RREB1: variants seen among roughly 807,000 people sequenced by gnomAD.
The protein encoded by RREB1 is ras-responsive element-binding protein 1.
In RREB1, 27 loss-of-function variants were observed where a neutral mutation model predicts 117.8. The observed-to-expected ratio is 0.23, with a 90% CI of 0.17 to 0.32. RREB1 has a LOEUF of 0.32. Ranked by LOEUF, RREB1 falls within the 10% of genes least tolerant of loss-of-function variation. The pLI is 1.00. For synonymous variants in RREB1, 1,298 were observed against 1,026.7 expected (o/e 1.26, Z -5.05); for missense variants, 2,577 against 2,378.2 (o/e 1.08, Z -1.74).
chr6:7,136,264 G>C (rs1197719527), intron 1 of RREB1, among the ~76,000 whole-genome samples: 1 of 152,170 alleles, frequency 6.6e-6, no homozygotes, highest in East Asian at 1.9e-4. Context: ...ATAGATGTCA[G>C]TAATGCCCGT....
Position 7,229,550 on chromosome 6 carries a change from T to A in RREB1, c.1451T>A (p.Ile484Asn). ...LKMAASAPPQ[I>N]SLPPFSKAPA... Reference sequence around the variant, plus strand: ...ATGGCAGCCTCGGCTCCCCCTCAGATCAGTCTTCCGCCCTTCTCCAAGGCC... The same window carrying A: ...ATGGCAGCCTCGGCTCCCCCTCAGAACAGTCTTCCGCCCTTCTCCAAGGCC... Residue 484 changes from isoleucine to asparagine, a missense_variant, in exon 10 of 13, where the codon ATC (isoleucine) becomes AAC (asparagine). By Grantham distance (149) the Ile-to-Asn change is moderately radical. Transcript: ENST00000379938. The surrounding 1 kb of genome is among the most constrained non-coding windows in gnomAD (Gnocchi z 4.5). 1 of 1,613,832 alleles carries A rather than the reference T, an allele frequency of 6.2e-7. No homozygotes were observed. The highest frequency in any genetic ancestry group is 8.5e-7 in the Non-Finnish European group (1 of 1,179,948).
chr6:7,219,453 G>A (rs1767110471), intron 8 of RREB1, among the ~76,000 whole-genome samples: 7 of 152,092 alleles, frequency 4.6e-5, no homozygotes, highest in Admixed American at 4.6e-4. Flanking sequence ...CCCACCCCTC[G>A]CCCTATGTAC....
At chr6:7,154,365 T>C (rs1210040331) in intron 1 of RREB1, among the ~76,000 whole-genome samples, 2 of 152,198 alleles carry the variant, frequency 1.3e-5, no homozygotes, top group African/African-American at 2.4e-5. Context: ...TCCAGGTGCA[T>C]ACTAAAGTTT....
intron 6 of RREB1, among the ~76,000 whole-genome samples, chr6:7,192,079 G>GT (rs1213959836): frequency 1.6e-5 from 1 of 60,992 alleles, no homozygotes; most frequent in Non-Finnish European, 3.3e-5. Context: ...TTTTTTGAGT[G>GT]TTTTTATTAT....
At chr6:7,113,932 C>T (rs540987576) in intron 1 of RREB1, among the ~76,000 whole-genome samples, 2 of 152,202 alleles carry the variant, frequency 1.3e-5, no homozygotes, top group South Asian at 2.1e-4. Context: ...AATCTATAAA[C>T]GGAAGAAAGT....
chr6:7,125,175 T>C (rs1253985011), intron 1 of RREB1, among the ~76,000 whole-genome samples: 1 of 152,172 alleles, frequency 6.6e-6, no homozygotes, highest in Non-Finnish European at 1.5e-5. Context: ...AAAGTGGTGT[T>C]AGTACACAAA....
chr6:7,110,330 A>G (rs921771211), intron 1 of RREB1, among the ~76,000 whole-genome samples: 2 of 149,730 alleles, frequency 1.3e-5, no homozygotes, highest in Admixed American at 6.6e-5. Context: ...TCTGAGTTAG[A>G]TAGAGGCCAA....
intron 6 of RREB1, among the ~76,000 whole-genome samples, chr6:7,201,398 G>A (rs900676184): frequency 1.3e-5 from 2 of 152,034 alleles, no homozygotes; most frequent in Non-Finnish European, 2.9e-5. Flanking sequence ...CGACCTGTTC[G>A]GGCTGAACAA....
Position 7,210,942 on chromosome 6 carries a change from T to A in RREB1, c.564T>A (p.Ala188=). 2 of 1,613,346 alleles carry A rather than the reference T, an allele frequency of 1.2e-6. No individual in the cohort carries two copies. The highest frequency in any genetic ancestry group is 1.7e-6 in the Non-Finnish European group (2 of 1,179,714). The change falls in exon 7 of 13, where the codon GCT becomes GCA. Residue 188 remains alanine (A), a synonymous_variant. Coordinates refer to ENST00000379938, the MANE Select transcript of RREB1 (RefSeq NM_001003699.4). ...CAGAGAGAGAAGACCCAGCACCAGCTAAAAAGGTCCTCTTGGCTCCCAGTG... is the reference window on the plus strand; with the variant it reads ...CAGAGAGAGAAGACCCAGCACCAGCAAAAAAGGTCCTCTTGGCTCCCAGTG... The part of the protein sequence containing the change: ...AESEREDPAP[A]KKMVEDGQSG...
At chr6:7,119,542 G>A (rs1052063937) in intron 1 of RREB1, among the ~76,000 whole-genome samples, 7 of 152,170 alleles carry the variant, frequency 4.6e-5, no homozygotes, top group East Asian at 1.9e-4. Flanking sequence ...AAGAAAAAGC[G>A]TCAGAAAACG....
At chr6:7,177,472 G>A (rs185416880) in intron 2 of RREB1, among the ~76,000 whole-genome samples, 1 of 151,692 alleles carries the variant, frequency 6.6e-6, no homozygotes, top group East Asian at 1.9e-4. Flanking sequence ...TCTATGACTT[G>A]GGAACTTCAT....
intron 1 of RREB1, among the ~76,000 whole-genome samples, chr6:7,136,392 A>C (rs920142686): frequency 3.9e-5 from 6 of 152,186 alleles, no homozygotes; most frequent in Admixed American, 3.9e-4. Context: ...CCCAATGGCT[A>C]GGCAATATGG....
intron 11 of RREB1, among the ~76,000 whole-genome samples, chr6:7,244,088 C>G (rs1768872373): frequency 6.6e-6 from 1 of 151,986 alleles, no homozygotes. Context: ...CATGGTGAAA[C>G]CCTGTCTCCA....
At chr6:7,160,328 G>GT (rs535947811) in intron 1 of RREB1, among the ~76,000 whole-genome samples, 14 of 151,650 alleles carry the variant, frequency 9.2e-5, no homozygotes, top group African/African-American at 1.5e-4. Context: ...ATTATGTTAA[G>GT]TTTTTTTAAA....
In RREB1 at chr6:7,231,749, G is replaced by A. The variant is rs1767996846; in HGVS notation, c.3650G>A (p.Gly1217Glu). The change falls in exon 10 of 13, where the codon GGG (glycine) becomes GAG (glutamate). Residue 1217 changes from glycine (G) to glutamate (E), a missense_variant. Transcript: ENST00000379938. ...GCCGGAGCCCCTGCCGACCACCATG[G>A]GCCCAGTGATGAAGAGCAGGGCAGT... ...EVAGAPADHH[G>E]PSDEEQGSPP... The A allele has an allele frequency of 6.2e-7, 1 of 1,613,846 alleles. No homozygotes were observed.
Position 7,181,208 on chromosome 6 carries a change from G to A in RREB1, c.-81G>A, listed in dbSNP as rs1764776580. 1 of 398,604 alleles carries A rather than the reference G, an allele frequency of 2.5e-6. No homozygotes were observed. The allele number at this position is 398,604 out of a possible 1,614,324, so 24.7% of individuals were successfully genotyped here. On this transcript the variant is annotated 5_prime_UTR_variant, in exon 3 of 13. Coordinates refer to ENST00000379938, the MANE Select transcript of RREB1 (RefSeq NM_001003699.4). ...CCGTGTGAATGATAGCTACAGCAGG[G>A]GAAAGTTTCATAGTCTATCAGTGGG...
rs1418276993 is a variant in RREB1, at chr6:7,246,523, G to A, written c.4073G>A (p.Arg1358His). ...EQPSEGATELRQVAGDAPVEQ... is the reference protein window; with the variant it reads ...EQPSEGATELHQVAGDAPVEQ... ...CCGTCGGAGGGCGCCACTGAGCTCC[G>A]CCAGGTCGCAGGGGATGCGCCTGTG... Residue 1358 changes from arginine (R) to histidine (H), a missense_variant, in exon 12 of 13, where the codon CGC (arginine) becomes CAC (histidine). Physicochemically the swap from Arg to His is conservative, Grantham distance 29. Transcript: ENST00000379938. 3 of 1,546,446 alleles carry A rather than the reference G, an allele frequency of 1.9e-6. No individual in the cohort carries two copies. Among genetic ancestry groups the A allele is most frequent in the Non-Finnish European group, 2.6e-6 (3 of 1,145,882 alleles).
intron 9 of RREB1, among the ~76,000 whole-genome samples, 160 bp from the exon 10 acceptor site, chr6:7,228,837 G>T (rs1767740212): frequency 6.6e-6 from 1 of 151,918 alleles, no homozygotes; most frequent in South Asian, 2.1e-4. Flanking sequence ...TAGAGATACG[G>T]GATCTTGCTA....
chr6:7,160,775 C>A (rs1451356604), intron 1 of RREB1, among the ~76,000 whole-genome samples: 1 of 152,066 alleles, frequency 6.6e-6, no homozygotes, highest in African/African-American at 2.4e-5. Flanking sequence ...CAACCTCCGA[C>A]TCCCTGGTTC....
Sources: gnomAD v4.1 joint callset for allele counts (sites outside exome capture counted in the v4.1 genomes callset) on GRCh38, gnomAD v4.1.1 for gene constraint, Gnocchi (gnomAD v3.1) non-coding constraint, MANE v1.5 for transcripts, NCBI Gene and HGNC (gene_info 2026-07-23, HGNC 2026-07-21) for gene names.